Variants in TET1 observed in about 807,000 individuals in gnomAD.
TET1 encodes methylcytosine dioxygenase TET1.
TET1 carries 13 observed loss-of-function variants against 148.7 expected under a neutral mutation model. The observed-to-expected ratio is 0.09, with a 90% CI of 0.06 to 0.14. The LOEUF (loss-of-function observed/expected upper bound fraction) is 0.14. TET1 is among the 10% of genes least tolerant of loss of function. The pLI is 1.00. For synonymous variants in TET1, 907 were observed against 937.2 expected, an observed-to-expected ratio of 0.97 and a Z score of 0.59; for missense variants, 2,182 against 2,553.8, an observed-to-expected ratio of 0.85 and a Z score of 3.14.
chr10:68,642,198 A>G (rs1418041959), intron 3 of TET1, among the ~76,000 whole-genome samples: 1 of 152,304 alleles, frequency 6.6e-6, no homozygotes, highest in Middle Eastern at 3.4e-3. Context: ...GAGCTGAGGC[A>G]GGAGACTTGC....
chr10:68,645,627 C>T lies in TET1; in HGVS notation c.2898C>T (p.Asn966=). The T allele has an allele frequency of 6.2e-7, 1 of 1,614,174 alleles. No homozygotes were observed. The highest frequency in any genetic ancestry group is 1.1e-5 in the South Asian group (1 of 91,072). Residue 966 remains asparagine, a synonymous_variant, in exon 4 of 12, where the codon AAC becomes AAT. Coordinates refer to ENST00000373644, the MANE Select transcript of TET1 (RefSeq NM_030625.3). The part of the protein sequence containing the change: ...CPSLEKQSSC[N]TVVFNGQTTT... ...CTTTGGAAAAACAAAGTTCATGCAA[C>T]ACGGTGGTTTTCAATGGGCAAACTA...
At chr10:68,631,171 G>A (rs1401769737) in intron 3 of TET1, among the ~76,000 whole-genome samples, 1 of 152,102 alleles carries the variant, frequency 6.6e-6, no homozygotes, top group Admixed American at 6.5e-5. Flanking sequence ...GCCAAACTTT[G>A]TCACAAAAAA....
intron 2 of TET1, among the ~76,000 whole-genome samples, chr10:68,578,677 T>C (rs2053758909): frequency 1.3e-5 from 2 of 150,218 alleles, no homozygotes; most frequent in Non-Finnish European, 3.0e-5. Flanking sequence ...AGCCACCCAT[T>C]CAGACATTTT....
At chr10:68,625,947 G>A (rs72797602) in intron 3 of TET1, among the ~76,000 whole-genome samples, 11,403 of 151,792 alleles carry the variant, frequency 0.075, 692 homozygotes, top group South Asian at 0.2. Flanking sequence ...GCCTGGCATG[G>A]TATCTACATG....
In TET1 at chr10:68,602,405, T is replaced by A. The variant is rs368477861; in HGVS notation, c.1968+1371T>A. Among the ~76,000 whole-genome samples, 5 of 152,158 alleles carry A rather than the reference T, an allele frequency of 3.3e-5. No homozygotes were observed. The East Asian group carries it at 9.6e-4, about 29-fold the overall frequency. ...TCCATCTCAGGCATTTTGTGAAAAA[T>A]AGATTTAGTCTTCCTCTTAAAAATG... On this transcript the variant is annotated intron_variant, in intron 3 of 11. Transcript: ENST00000373644.
At chr10:68,574,605 T>A (rs2053707454) in intron 2 of TET1, among the ~76,000 whole-genome samples, 1 of 152,228 alleles carries the variant, frequency 6.6e-6, no homozygotes, top group South Asian at 2.1e-4. Context: ...GTTGCATGTC[T>A]TTTTTGGCAG....
At chr10:68,677,503 G>T (rs1053137689) in intron 8 of TET1, among the ~76,000 whole-genome samples, 9 of 152,172 alleles carry the variant, frequency 5.9e-5, no homozygotes, top group Non-Finnish European at 1.0e-4. Context: ...AAAGTGTCTT[G>T]ACCTGGATGG....
At chr10:68,670,008 C>T (rs967622830) in intron 7 of TET1, among the ~76,000 whole-genome samples, 4 of 152,138 alleles carry the variant, frequency 2.6e-5, no homozygotes, top group African/African-American at 7.2e-5. Context: ...CATTTGTTTA[C>T]GTACACATAC....
chr10:68,636,342 C>T (rs1018050565), intron 3 of TET1, among the ~76,000 whole-genome samples: 4 of 152,152 alleles, frequency 2.6e-5, no homozygotes, highest in Non-Finnish European at 4.4e-5. Flanking sequence ...CTCAACTTCC[C>T]CTCTGCCCTT....
chr10:68,610,535 G>T (rs112660533), intron 3 of TET1, among the ~76,000 whole-genome samples: 2,924 of 150,616 alleles, frequency 0.019, 105 homozygotes, highest in African/African-American at 0.067. Flanking sequence ...AGGTTGCAGT[G>T]AGTTGAGATC....
chr10:68,679,125 C>T (rs957950277), intron 8 of TET1, among the ~76,000 whole-genome samples: 3 of 152,154 alleles, frequency 2.0e-5, no homozygotes, highest in East Asian at 1.9e-4. Context: ...TACAGTGAGC[C>T]GAGATTGTGC....
chr10:68,639,463 C>CTAT (rs1554941098), intron 3 of TET1, among the ~76,000 whole-genome samples: 29 of 50,050 alleles, frequency 5.8e-4, no homozygotes, highest in Non-Finnish European at 1.4e-3. Context: ...ACTACTACTA[C>CTAT]TACTATTATT....
intron 1 of TET1, among the ~76,000 whole-genome samples, chr10:68,569,395 C>G (rs1048146343): frequency 1.3e-5 from 2 of 151,752 alleles, no homozygotes; most frequent in Non-Finnish European, 2.9e-5. Flanking sequence ...AGGATGGTCT[C>G]GATCTCCTGA....
At chr10:68,578,592 C>G (rs1279680318) in intron 2 of TET1, among the ~76,000 whole-genome samples, 1 of 152,070 alleles carries the variant, frequency 6.6e-6, no homozygotes, top group Non-Finnish European at 1.5e-5. Flanking sequence ...AAAGCCCCAA[C>G]CATGGCAAGG....
chr10:68,606,928 G>A (rs772847415), intron 3 of TET1, among the ~76,000 whole-genome samples: 17 of 152,272 alleles, frequency 1.1e-4, no homozygotes, highest in African/African-American at 2.9e-4. Flanking sequence ...CATGGGCTTC[G>A]TTTGTATACC....
In TET1 at chr10:68,563,387, T is replaced by A. The variant is rs150468704; in HGVS notation, c.-123+2645T>A. Among the ~76,000 whole-genome samples the A allele has an allele frequency of 5.8e-3, 890 of 152,352 alleles. 7 individuals carry two copies. Among genetic ancestry groups the A allele is most frequent in the East Asian group, 0.031 (161 of 5,180 alleles). ...AAACTGAGCCAGGTGCTGCCTTTTT[T>A]AAAAAATGTTTTAAATCTTGTTTTT... On this transcript the variant is annotated intron_variant, in intron 1 of 11. Transcript: ENST00000373644.
chr10:68,609,726 G>C (rs1349400409), intron 3 of TET1, among the ~76,000 whole-genome samples: 1 of 151,884 alleles, frequency 6.6e-6, no homozygotes, highest in African/African-American at 2.4e-5. Context: ...ACTTATTCTA[G>C]GAGTTTGGTT....
chr10:68,674,791 A>G (rs1323094875), intron 8 of TET1: 8 of 486,940 alleles, frequency 1.6e-5, no homozygotes, highest in Non-Finnish European at 3.2e-5. Flanking sequence ...CTTAGCACCA[A>G]TGTTTCGGCC....
Position 68,646,892 on chromosome 10 carries a change from T to C in TET1, c.4163T>C (p.Val1388Ala). The change falls in exon 4 of 12, where the codon GTG becomes GCG. Residue 1388 changes from valine (V) to alanine (A), a missense_variant. By Grantham distance (64) the Val-to-Ala change is moderately conservative. Around this residue, in one of 11 missense-constraint regions of TET1, gnomAD observed 169 missense variants for 263.7 expected, o/e 0.64. Transcript: ENST00000373644. ...TTTGGAACATCAGAATTTTCCACAGTGGACAGTGCACAGAAAAATTTTAAT... is the reference window on the plus strand; with the variant it reads ...TTTGGAACATCAGAATTTTCCACAGCGGACAGTGCACAGAAAAATTTTAAT... ...SSFGTSEFST[V>A]DSAQKNFNDY... 9 of 1,614,196 alleles carry C rather than the reference T, an allele frequency of 5.6e-6. No individual in the cohort carries two copies. The highest frequency in any genetic ancestry group is 7.6e-6 in the Non-Finnish European group (9 of 1,180,046).
Sources: allele counts gnomAD v4.1 joint callset (sites outside exome capture counted in the v4.1 genomes callset), GRCh38; gene constraint gnomAD v4.1.1; regional missense constraint gnomAD v4.1.1; transcripts MANE v1.5; gene names NCBI Gene and HGNC (gene_info 2026-07-23, HGNC 2026-07-21).